The following SYNE2 variants were observed in gnomAD, a reference collection of about 807,000 sequenced individuals.
The protein encoded by SYNE2 is spectrin repeat containing nuclear envelope protein 2.
SYNE2 carries 431 observed loss-of-function variants against 856.3 expected under a neutral mutation model. That is an observed-to-expected ratio of 0.50 (90% CI 0.47 to 0.55). The LOEUF is 0.55. Among genes scored for constraint, SYNE2 ranks in the 20% least tolerant of loss-of-function variants. The pLI, the probability that SYNE2 is intolerant of heterozygous loss-of-function variation, is 0.00. For synonymous variants in SYNE2, 2,923 were observed against 2,872.3 expected (o/e 1.02, Z -0.56); for missense variants, 8,129 against 8,023.2 (o/e 1.01, Z -0.50).
intron 41 of SYNE2, 31 bp from the exon 42 acceptor site, chr14:64,026,548 G>T: frequency 1.9e-6 from 3 of 1,576,500 alleles, no homozygotes; most frequent in South Asian, 2.2e-5. Context: ...TAATGCAAAT[G>T]ACATTATAAA....
intron 1 of SYNE2, among the ~76,000 whole-genome samples, chr14:63,838,291 T>C (rs2139918641): frequency 6.6e-6 from 1 of 152,220 alleles, no homozygotes; most frequent in South Asian, 2.1e-4. Context: ...TGAGCGAGAT[T>C]ATGCCATTGC....
intron 78 of SYNE2, among the ~76,000 whole-genome samples, chr14:64,136,891 A>G (rs1032421646): frequency 5.3e-5 from 8 of 152,298 alleles, no homozygotes; most frequent in African/African-American, 1.2e-4. Context: ...TGGCTCTGCA[A>G]TCAGAGGGGT....
chr14:64,183,616 C>T (rs2098472818), intron 96 of SYNE2, among the ~76,000 whole-genome samples: 6 of 152,308 alleles, frequency 3.9e-5, no homozygotes, highest in African/African-American at 1.2e-4. Flanking sequence ...TGCACTCCAG[C>T]CTGGGCAACA....
intron 1 of SYNE2, among the ~76,000 whole-genome samples, chr14:63,898,795 C>T (rs767414078): frequency 6.6e-6 from 1 of 152,180 alleles, no homozygotes; most frequent in Non-Finnish European, 1.5e-5. Context: ...TACCCTAACA[C>T]TTGATTCGTA....
At chr14:63,976,757 A>G (rs764092848) in intron 12 of SYNE2, 30 bp downstream of exon 12, 1 of 1,603,980 alleles carries the variant, frequency 6.2e-7, no homozygotes, top group African/African-American at 1.3e-5. Context: ...AGATGTAGGA[A>G]AATACATATT....
chr14:64,163,522 T>A lies in SYNE2; in HGVS notation c.16420T>A (p.Ser5474Thr), dbSNP rs114483901. 1,088 of 1,614,174 alleles carry A rather than the reference T, an allele frequency of 6.7e-4. 10 individuals are homozygous for A. The African/African-American group carries it at 0.013, about 19-fold the overall frequency. ...CATGCTCCTCCCGGGCCCCCTGCAC[T>A]CTCTCCAGAGGGCTGCTTATTTGGA... is the stretch of plus-strand genomic sequence containing the variant. Reference protein sequence around the residue: ...THMLLPGPLHSLQRAAYLEKM... With the variant: ...THMLLPGPLHTLQRAAYLEKM... Residue 5474 changes from serine (S) to threonine (T), a missense_variant, in exon 89 of 116, where the codon TCT becomes ACT. Ser to Thr is a moderately conservative substitution (Grantham distance 58). Coordinates refer to ENST00000555002, the MANE Select transcript of SYNE2 (RefSeq NM_182914.3).
intron 24 of SYNE2, 63 bp from the exon 25 acceptor site, chr14:63,997,238 A>G: frequency 1.3e-6 from 2 of 1,584,520 alleles, no homozygotes; most frequent in East Asian, 2.2e-5. Flanking sequence ...AGCGTTAGTC[A>G]TGCTTGTTTA....
intron 61 of SYNE2, among the ~76,000 whole-genome samples, chr14:64,093,826 T>C (rs2097651773): frequency 6.6e-6 from 1 of 152,158 alleles, no homozygotes; most frequent in Non-Finnish European, 1.5e-5. Context: ...GCCCATGGCC[T>C]CAGCTTGAAG....
intron 1 of SYNE2, among the ~76,000 whole-genome samples, chr14:63,876,451 A>G (rs956552444): frequency 6.7e-6 from 1 of 150,320 alleles, no homozygotes; most frequent in Admixed American, 6.7e-5. Context: ...ATACCATTAT[A>G]TTTTTTTTAA....
rs527368157 is a variant in SYNE2, at chr14:64,167,327, C to T, written c.16700C>T (p.Thr5567Met). The change falls in exon 91 of 116, where the codon ACG becomes ATG. Residue 5567 changes from threonine (T) to methionine (M), a missense_variant. By Grantham distance (81) the Thr-to-Met change is moderately conservative. This residue lies in a region of SYNE2 where 5,410 missense variants were observed against 5,284.8 expected (regional missense o/e 1.02). Transcript: ENST00000555002. ...KLPLSDVAVK[T>M]LQNMNRQWIR... ...CCACTTAGTGACGTAGCTGTGAAGA[C>T]GTTACAAAATATGAACCGGCAATGG... 3.3e-5 allele frequency: 54 copies of T among 1,614,220 alleles called. No individual in the cohort carries two copies. Among genetic ancestry groups the T allele is most frequent in the African/African-American group, 1.6e-4 (12 of 75,062 alleles).
chr14:64,176,943 A>G (rs752281479), intron 95 of SYNE2, among the ~76,000 whole-genome samples: 59 of 151,896 alleles, frequency 3.9e-4, no homozygotes, highest in Non-Finnish European at 7.2e-4. Context: ...GATTACAGGC[A>G]CATACCACCA....
intron 41 of SYNE2, among the ~76,000 whole-genome samples, chr14:64,025,800 A>G (rs1432880883): frequency 6.6e-6 from 1 of 152,296 alleles, no homozygotes; most frequent in East Asian, 1.9e-4. Context: ...AGTTCTTCAG[A>G]GTGGATGTGT....
chr14:64,138,946 GGTGT>G (rs150016027), intron 79 of SYNE2, among the ~76,000 whole-genome samples: 2,269 of 137,734 alleles, frequency 0.016, 29 homozygotes, highest in African/African-American at 0.041. Flanking sequence ...GTGTATGTAT[GGTGT>G]GTGTGTGTGT....
chr14:63,769,997 C>T (rs1307344056), intron 1 of SYNE2, among the ~76,000 whole-genome samples: 1 of 152,014 alleles, frequency 6.6e-6, no homozygotes, highest in Non-Finnish European at 1.5e-5. Flanking sequence ...TCACTGCAGC[C>T]TTGACCTCCG....
At position 64,122,317 on chromosome 14, in the gene SYNE2, C is replaced by G; in HGVS notation, c.13312C>G (p.Pro4438Ala). Reference protein sequence around the residue: ...NQASSPENDVPDSILSPQGQN... With the variant: ...NQASSPENDVADSILSPQGQN... The stretch of plus-strand genomic sequence containing the variant: ...GGCATCCAGCCCTGAAAATGACGTT[C>G]CAGACTCGATCTTGTCACCCCAGGG... Residue 4438 changes from proline to alanine, a missense_variant, in exon 70 of 116, where the codon CCA (proline) becomes GCA (alanine). Around this residue, in one of 3 missense-constraint regions of SYNE2, gnomAD observed 5,410 missense variants for 5,284.8 expected, o/e 1.02. Coordinates refer to ENST00000555002, the MANE Select transcript of SYNE2 (RefSeq NM_182914.3). 6.2e-7 allele frequency: 1 copy of G among 1,614,180 alleles called. No individual in the cohort carries two copies. The highest frequency in any genetic ancestry group is 8.5e-7 in the Non-Finnish European group (1 of 1,180,034).
In SYNE2 at chr14:64,146,232, G is replaced by A; in HGVS notation, c.15639+9G>A. The A allele has an allele frequency of 1.2e-6, 2 of 1,603,446 alleles. No individual in the cohort carries two copies. Among genetic ancestry groups the A allele is most frequent in the Non-Finnish European group, 1.7e-6 (2 of 1,175,438 alleles). On this transcript the variant is annotated intron_variant, in intron 84 of 115. Coordinates refer to ENST00000555002, the MANE Select transcript of SYNE2 (RefSeq NM_182914.3). The stretch of plus-strand genomic sequence containing the variant: ...TGCTCCTGGACTGTCAGGTGAGGAG[G>A]GGAACAGCATCCCACCCAACCCGCG...
At chr14:64,030,193 C>G in intron 44 of SYNE2, 134 bp downstream of exon 44, 1 of 885,048 alleles carries the variant, frequency 1.1e-6, no homozygotes, top group Non-Finnish European at 1.8e-6. Flanking sequence ...AAGCTCTGAC[C>G]AGTCATAATA....
chr14:64,043,439 C>T (rs559754863), intron 45 of SYNE2, among the ~76,000 whole-genome samples: 2 of 152,282 alleles, frequency 1.3e-5, no homozygotes, highest in East Asian at 3.9e-4. Context: ...GGAAATGTCT[C>T]TAGGGCATGT....
At chr14:63,917,478 TA>T (rs1439702847) in intron 2 of SYNE2, among the ~76,000 whole-genome samples, 8 of 152,252 alleles carry the variant, frequency 5.3e-5, no homozygotes, top group Non-Finnish European at 1.2e-4. Flanking sequence ...TTTATTTATT[TA>T]TTTTTTTTGA....
Sources: gnomAD v4.1 joint callset for allele counts (sites outside exome capture counted in the v4.1 genomes callset) on GRCh38, gnomAD v4.1.1 for gene constraint, gnomAD v4.1.1 regional missense constraint, MANE v1.5 for transcripts, NCBI Gene and HGNC (gene_info 2026-07-23, HGNC 2026-07-21) for gene names.